The following HTR3B variants were observed in gnomAD, a reference collection of about 807,000 sequenced individuals.
The protein encoded by HTR3B is 5-hydroxytryptamine (serotonin) receptor 3B, ionotropic.
A neutral mutation model predicts 42.8 loss-of-function variants in HTR3B; 44 were observed. The observed-to-expected ratio is 1.03, with a 90% CI of 0.81 to 1.32. HTR3B has a LOEUF of 1.32. HTR3B is among the 40% of genes most tolerant of loss of function. HTR3B has a pLI of 0.00. For synonymous variants in HTR3B, 203 were observed against 209.0 expected (o/e 0.97, Z 0.25); for missense variants, 527 against 536.5 (o/e 0.98, Z 0.17).
Position 113,942,989 on chromosome 11 carries a change from T to C in HTR3B, c.704T>C (p.Met235Thr). 1 of 1,614,020 alleles carries C rather than the reference T, an allele frequency of 6.2e-7. No individual in the cohort carries two copies. Among genetic ancestry groups the C allele is most frequent in the African/African-American group, 1.3e-5 (1 of 75,038 alleles). ...GFAQIQFNVV[M>T]RRHPLVYVVS... Reference sequence around the variant, plus strand: ...CCACTTGTTCCCGGCCAGGTGGTGATGCGCAGGCACCCCCTGGTCTATGTC... The same window carrying C: ...CCACTTGTTCCCGGCCAGGTGGTGACGCGCAGGCACCCCCTGGTCTATGTC... The change falls in exon 7 of 9, where the codon ATG becomes ACG. Residue 235 changes from methionine to threonine, a missense_variant. Transcript: ENST00000260191.
chr11:113,904,197 A>T (rs1270707809), upstream of HTR3B, among the ~76,000 whole-genome samples: 1 of 152,232 alleles, frequency 6.6e-6, no homozygotes, highest in Non-Finnish European at 1.5e-5. Flanking sequence ...AGTGAAAAAA[A>T]AACTTTTATT....
chr11:113,944,891 AT>A, intron 8 of HTR3B, 136 bp downstream of exon 8: 1 of 689,662 alleles, frequency 1.4e-6, no homozygotes, highest in Non-Finnish European at 2.4e-6. Context: ...TGGGTGTGGC[AT>A]TTTATATTAT....
At chr11:113,944,195 A>G (rs546747730) in intron 7 of HTR3B, among the ~76,000 whole-genome samples, 2 of 151,584 alleles carry the variant, frequency 1.3e-5, no homozygotes, top group South Asian at 2.1e-4. Flanking sequence ...AATTTTTTGT[A>G]TTTTAGTATA....
At chr11:113,922,740 A>G (rs1266843667) in intron 2 of HTR3B, among the ~76,000 whole-genome samples, 3 of 151,948 alleles carry the variant, frequency 2.0e-5, no homozygotes, top group Admixed American at 1.3e-4. Flanking sequence ...TATTTTTAGT[A>G]GAGACGGGGT....
rs539014080 is a variant in HTR3B at position 113,935,975 on chromosome 11, CAA to C, written c.696+2884_696+2885del. On this transcript the variant is annotated intron_variant, in intron 6 of 8. Coordinates refer to ENST00000260191, the MANE Select transcript of HTR3B (RefSeq NM_006028.5). ...AATCATAGCTGCCGACTCTGGGACACAAATTGTTTATCAGAGGACACCACGGA... is the reference window on the plus strand; with the variant it reads ...AATCATAGCTGCCGACTCTGGGACACATTGTTTATCAGAGGACACCACGGA... Among the ~76,000 whole-genome samples the C allele has an allele frequency of 6.4e-3, 976 of 152,260 alleles. 11 individuals are homozygous for C. The highest frequency in any genetic ancestry group is 0.023 in the African/African-American group (938 of 41,536).
intron 2 of HTR3B, among the ~76,000 whole-genome samples, chr11:113,918,393 T>C (rs1280999090): frequency 1.3e-5 from 2 of 151,976 alleles, no homozygotes; most frequent in Non-Finnish European, 2.9e-5. Flanking sequence ...CCAGGTGCTA[T>C]CCCTTTATAG....
chr11:113,937,241 G>A (rs1227142111), intron 6 of HTR3B, among the ~76,000 whole-genome samples: 1 of 152,182 alleles, frequency 6.6e-6, no homozygotes, highest in Non-Finnish European at 1.5e-5. Flanking sequence ...TGCATGATCT[G>A]CAGAGAGGTC....
chr11:113,929,271 A>C (rs1950007928), intron 2 of HTR3B, among the ~76,000 whole-genome samples: 1 of 152,202 alleles, frequency 6.6e-6, no homozygotes, highest in Admixed American at 6.5e-5. Flanking sequence ...CCTAATGATT[A>C]GTGATTGTAT....
intron 2 of HTR3B, among the ~76,000 whole-genome samples, chr11:113,916,457 T>G (rs761344323): frequency 6.6e-6 from 1 of 152,236 alleles, no homozygotes; most frequent in Non-Finnish European, 1.5e-5. Flanking sequence ...TGTAGCATTA[T>G]GGAAGTCTTG....
intron 2 of HTR3B, among the ~76,000 whole-genome samples, chr11:113,927,501 T>A (rs901922172): frequency 6.6e-6 from 1 of 152,188 alleles, no homozygotes; most frequent in Non-Finnish European, 1.5e-5. Flanking sequence ...TACTTTTCTC[T>A]GCACATGTTT....
chr11:113,908,218 G>A (rs1247453124), intron 1 of HTR3B, among the ~76,000 whole-genome samples: 2 of 152,302 alleles, frequency 1.3e-5, no homozygotes, highest in Admixed American at 1.3e-4. Context: ...TTAAATCATA[G>A]AAATTGCTGC....
chr11:113,942,928 T>C, intron 6 of HTR3B, 54 bp from the exon 7 acceptor site: 1 of 1,533,664 alleles, frequency 6.5e-7, no homozygotes, highest in Non-Finnish European at 9.0e-7. Flanking sequence ...TTTGGCCAAA[T>C]CTGAGTCTGT....
Position 113,933,101 on chromosome 11 carries a change from CT to C in HTR3B, c.696+11del. On this transcript the variant is annotated intron_variant, in intron 6 of 8. Coordinates refer to ENST00000260191, the MANE Select transcript of HTR3B (RefSeq NM_006028.5). ...GCACAGATTCAGTTTAATGTAGGTT[CT>C]TTACTACCTGTCCCCGTTGCCCGCT... The C allele has an allele frequency of 6.2e-7, 1 of 1,609,684 alleles. No individual in the cohort carries two copies. The highest frequency in any genetic ancestry group is 8.5e-7 in the Non-Finnish European group (1 of 1,177,098).
chr11:113,911,620 G>C (rs988011665), intron 2 of HTR3B, among the ~76,000 whole-genome samples: 1 of 151,888 alleles, frequency 6.6e-6, no homozygotes, highest in South Asian at 2.1e-4. Context: ...TCCGCCTCCC[G>C]GGGACAAGCA....
intron 6 of HTR3B, among the ~76,000 whole-genome samples, chr11:113,942,155 A>C (rs1950140413): frequency 6.6e-6 from 1 of 152,166 alleles, no homozygotes; most frequent in South Asian, 2.1e-4. Flanking sequence ...GGATCACCTG[A>C]GGTCAGGAGT....
chr11:113,944,678 C>A lies in HTR3B; in HGVS notation c.1013C>A (p.Pro338His), dbSNP rs150646042. ...HDEQRGGQEQ[P>H]FLCLRGDTDA... is the part of the protein sequence containing the mutation. ...GAGCAGCGTGGTGGACAGGAGCAGC[C>A]CTTCTTGTGCCTTCGAGGGGACACC... The change falls in exon 8 of 9, where the codon CCC becomes CAC. Residue 338 changes from proline (P) to histidine (H), a missense_variant. Transcript: ENST00000260191. 67 of 1,613,998 alleles carry A rather than the reference C, an allele frequency of 4.2e-5. No individual in the cohort carries two copies. Among genetic ancestry groups the A allele is most frequent in the Non-Finnish European group, 5.4e-5 (64 of 1,180,026 alleles).
chr11:113,918,025 T>C (rs993300201), intron 2 of HTR3B, among the ~76,000 whole-genome samples: 14 of 152,168 alleles, frequency 9.2e-5, no homozygotes, highest in African/African-American at 3.4e-4. Flanking sequence ...TTCTTGGCCA[T>C]CCTTTTATTT....
chr11:113,917,212 A>G (rs908886675), intron 2 of HTR3B, among the ~76,000 whole-genome samples: 11 of 151,172 alleles, frequency 7.3e-5, no homozygotes, highest in Non-Finnish European at 1.3e-4. Context: ...AGCTCGCTGT[A>G]AACTCCGCTT....
At chr11:113,933,649 G>T (rs567544935) in intron 6 of HTR3B, among the ~76,000 whole-genome samples, 1 of 152,056 alleles carries the variant, frequency 6.6e-6, no homozygotes, top group Non-Finnish European at 1.5e-5. Flanking sequence ...ATTATGATGG[G>T]AACCCACACT....
Sources: gnomAD v4.1 joint callset for allele counts (sites outside exome capture counted in the v4.1 genomes callset) on GRCh38, gnomAD v4.1.1 for gene constraint, MANE v1.5 for transcripts, NCBI Gene and HGNC (gene_info 2026-07-23, HGNC 2026-07-21) for gene names.